Variants in GNB1 observed in about 807,000 individuals in gnomAD.
GNB1 encodes G protein subunit beta 1, also known as guanine nucleotide-binding protein G(I)/G(S)/G(T) subunit beta-1.
GNB1 carries 2 observed loss-of-function variants against 42.9 expected under a neutral mutation model. The observed-to-expected ratio is 0.05, with a 90% CI of 0.02 to 0.15. The LOEUF (loss-of-function observed/expected upper bound fraction) is 0.15, where lower values mean the gene tolerates loss of function less well. Ranked by LOEUF, GNB1 falls within the 10% of genes least tolerant of loss-of-function variation. GNB1 has a pLI of 1.00. For missense variants in GNB1, 193 were observed against 462.2 expected (o/e 0.42, Z 5.34); for synonymous variants, 183 against 174.7 (o/e 1.05, Z -0.38).
At chr1:1,871,539 T>G (rs1204990338) in intron 1 of GNB1, among the ~76,000 whole-genome samples, 1 of 151,918 alleles carries the variant, frequency 6.6e-6, no homozygotes, top group Non-Finnish European at 1.5e-5. Context: ...GTCTCCTCGA[T>G]CTAACCTCTA....
intron 1 of GNB1, among the ~76,000 whole-genome samples, chr1:1,872,487 C>T (rs990657710): frequency 2.6e-5 from 4 of 152,234 alleles, no homozygotes; most frequent in African/African-American, 9.6e-5. Context: ...TGGCCAAGGC[C>T]TGGCTTCCAC....
At chr1:1,802,547 T>C (rs1486747160) in intron 7 of GNB1, among the ~76,000 whole-genome samples, 2 of 152,044 alleles carry the variant, frequency 1.3e-5, no homozygotes, top group Non-Finnish European at 2.9e-5. Flanking sequence ...GGCAGGCAGA[T>C]CACTTGCAGT....
chr1:1,879,648 T>A (rs566320058), intron 1 of GNB1, among the ~76,000 whole-genome samples: 1 of 146,780 alleles, frequency 6.8e-6, no homozygotes, highest in Admixed American at 7.0e-5. Context: ...GAGCTTGCAG[T>A]GAGCCAAGAT....
chr1:1,875,793 G>A (rs1649510635), intron 1 of GNB1, among the ~76,000 whole-genome samples: 1 of 151,922 alleles, frequency 6.6e-6, no homozygotes, highest in Admixed American at 6.6e-5. Flanking sequence ...GAAACACAAG[G>A]GGCGAAGGAT....
chr1:1,820,107 A>G (rs1163151776), intron 3 of GNB1, among the ~76,000 whole-genome samples: 1 of 152,126 alleles, frequency 6.6e-6, no homozygotes, highest in Non-Finnish European at 1.5e-5. Context: ...CTGTAATCCC[A>G]ACACCTCAGG....
chr1:1,787,367 T>C lies in GNB1; in HGVS notation c.987A>G (p.Thr329=), dbSNP rs750998849. Residue 329 remains threonine, a synonymous_variant, in exon 11 of 12, where the codon ACA becomes ACG. Transcript: ENST00000378609. This position sits in a 1 kb window ranked among gnomAD's most constrained non-coding sequence, Gnocchi z 4.4. ...TCTTGAGGAAGCTATCCCAGGACCC[T>C]GTCGCCACAGCCATGCCATCGTCAG... ...GVTDDGMAVA[T]GSWDSFLKIW... is the part of the protein sequence containing the mutation. 6.2e-7 allele frequency: 1 copy of C among 1,613,526 alleles called. No homozygotes were observed. The highest frequency in any genetic ancestry group is 2.2e-5 in the East Asian group (1 of 44,880).
chr1:1,852,848 C>T (rs1390303918), intron 1 of GNB1, among the ~76,000 whole-genome samples: 2 of 152,120 alleles, frequency 1.3e-5, no homozygotes, highest in Non-Finnish European at 2.9e-5. Flanking sequence ...CACCCAGTCA[C>T]GCCCCCTTCT....
chr1:1,789,897 T>A (rs1156687619), intron 9 of GNB1, among the ~76,000 whole-genome samples: 1 of 152,132 alleles, frequency 6.6e-6, no homozygotes, highest in East Asian at 1.9e-4. Context: ...CTGCCAGCCA[T>A]CAGGGCTAAT....
intron 8 of GNB1, among the ~76,000 whole-genome samples, chr1:1,791,075 A>G (rs1312985296): frequency 6.6e-6 from 1 of 152,186 alleles, no homozygotes; most frequent in African/African-American, 2.4e-5. Flanking sequence ...GGCCAATGCC[A>G]GGTAAACAAA....
At chr1:1,883,279 A>C (rs867862899) in intron 1 of GNB1, among the ~76,000 whole-genome samples, 47 of 99,560 alleles carry the variant, frequency 4.7e-4, no homozygotes, top group East Asian at 1.4e-3. Flanking sequence ...ACCCTGTCCC[A>C]AAAAAAAAAA....
chr1:1,816,534 T>TCC (rs1646858573), intron 4 of GNB1, among the ~76,000 whole-genome samples: 1 of 151,940 alleles, frequency 6.6e-6, no homozygotes, highest in Non-Finnish European at 1.5e-5. Context: ...TTAAAGCACA[T>TCC]CCCCTAAAGC....
At chr1:1,861,175 AGCTGC>A in intron 1 of GNB1, among the ~76,000 whole-genome samples, 1 of 151,714 alleles carries the variant, frequency 6.6e-6, no homozygotes, top group East Asian at 1.9e-4. Context: ...AACCCAGCAC[AGCTGC>A]GCACAGTGGC....
intron 1 of GNB1, among the ~76,000 whole-genome samples, chr1:1,844,397 A>G (rs1468254164): frequency 6.6e-6 from 1 of 151,532 alleles, no homozygotes; most frequent in East Asian, 1.9e-4. Context: ...TCTCCAAAAA[A>G]AAAAAAAAGA....
chr1:1,859,014 G>C (rs1207388418), intron 1 of GNB1, among the ~76,000 whole-genome samples: 3 of 151,556 alleles, frequency 2.0e-5, no homozygotes, highest in Non-Finnish European at 4.4e-5. Flanking sequence ...CAATTTATGG[G>C]TATTTATTTT....
intron 1 of GNB1, among the ~76,000 whole-genome samples, chr1:1,881,856 C>T (rs1306806684): frequency 6.6e-6 from 1 of 152,186 alleles, no homozygotes; most frequent in Admixed American, 6.6e-5. Context: ...GTGCGGGGTG[C>T]TGGAGACAGT....
chr1:1,792,285 G>T (rs1285466328), intron 8 of GNB1, among the ~76,000 whole-genome samples: 2 of 152,044 alleles, frequency 1.3e-5, no homozygotes, highest in Non-Finnish European at 2.9e-5. Flanking sequence ...ATGACATGAT[G>T]CTATCAGAAA....
intron 2 of GNB1, among the ~76,000 whole-genome samples, chr1:1,831,331 T>C (rs544847359): frequency 6.6e-6 from 1 of 152,342 alleles, no homozygotes; most frequent in Non-Finnish European, 1.5e-5. Flanking sequence ...AGCAAGATCC[T>C]GTCTCTAAAT....
intron 1 of GNB1, among the ~76,000 whole-genome samples, chr1:1,883,642 A>G (rs1480532561): frequency 1.3e-5 from 2 of 152,220 alleles, no homozygotes; most frequent in Non-Finnish European, 2.9e-5. Context: ...TTTCACAGAT[A>G]AGGACAGACA....
intron 3 of GNB1, among the ~76,000 whole-genome samples, chr1:1,821,306 A>G (rs1646927738): frequency 2.0e-5 from 3 of 152,166 alleles, no homozygotes; most frequent in South Asian, 4.1e-4. Context: ...TCCTTACTCC[A>G]TCAGCTACTC....
Sources: allele counts gnomAD v4.1 joint callset (sites outside exome capture counted in the v4.1 genomes callset), GRCh38; gene constraint gnomAD v4.1.1; non-coding constraint Gnocchi (gnomAD v3.1); transcripts MANE v1.5; gene names NCBI Gene and HGNC (gene_info 2026-07-23, HGNC 2026-07-21).